Variants in CSGALNACT1 observed in about 807,000 individuals in gnomAD.
CSGALNACT1 encodes the protein chondroitin sulfate N-acetylgalactosaminyltransferase 1, also known as beta4GalNAcT-1.
Under a neutral mutation model 51.0 loss-of-function variants are expected in CSGALNACT1, and 52 were observed. The ratio of observed to expected loss-of-function variants is 1.02; its 90% confidence interval spans 0.82 to 1.29. The LOEUF (loss-of-function observed/expected upper bound fraction) is 1.29, where lower values mean the gene tolerates loss of function less well. CSGALNACT1 is among the 50% of genes most tolerant of loss of function. The pLI, the probability that CSGALNACT1 is intolerant of heterozygous loss-of-function variation, is 0.00. For synonymous variants in CSGALNACT1, 341 were observed against 254.4 expected (o/e 1.34, Z -3.24); for missense variants, 935 against 679.2 (o/e 1.38, Z -4.19).
At chr8:19,654,101 AAC>A (rs1485882654) in intron 1 of CSGALNACT1, among the ~76,000 whole-genome samples, 2 of 152,204 alleles carry the variant, frequency 1.3e-5, no homozygotes, top group Admixed American at 6.5e-5. Flanking sequence ...CATCACTGAA[AAC>A]ACACGAACTG....
chr8:19,721,394 T>C (rs2063121404), intron 1 of CSGALNACT1, among the ~76,000 whole-genome samples: 1 of 152,190 alleles, frequency 6.6e-6, no homozygotes, highest in African/African-American at 2.4e-5. Context: ...AATCTGCAAC[T>C]TCAAAAATAT....
At chr8:19,657,705 G>C (rs1211748337) in intron 1 of CSGALNACT1, among the ~76,000 whole-genome samples, 1 of 152,214 alleles carries the variant, frequency 6.6e-6, no homozygotes, top group East Asian at 1.9e-4. Context: ...TCTGAGGAAA[G>C]AATGTTCTAG....
At chr8:19,750,324 G>A (rs1250997536) in intron 1 of CSGALNACT1, among the ~76,000 whole-genome samples, 4 of 152,164 alleles carry the variant, frequency 2.6e-5, no homozygotes, top group African/African-American at 9.7e-5. Flanking sequence ...AGCCTCTGGT[G>A]GAAGAACCAG....
chr8:19,515,231 C>A (rs1305678307), intron 3 of CSGALNACT1, among the ~76,000 whole-genome samples: 5 of 152,144 alleles, frequency 3.3e-5, no homozygotes, highest in African/African-American at 1.2e-4. Flanking sequence ...AGGTCCTCAG[C>A]ACCTGCTGTC....
chr8:19,405,493 T>C (rs1238922412), exon 10 of CSGALNACT1: 1 of 580,994 alleles, frequency 1.7e-6, no homozygotes, highest in Non-Finnish European at 3.2e-6. Context: ...TCTCAGTGTG[T>C]TGTAAACACC....
At chr8:19,592,255 T>C (rs1179063827) in intron 2 of CSGALNACT1, among the ~76,000 whole-genome samples, 2 of 152,194 alleles carry the variant, frequency 1.3e-5, no homozygotes, top group East Asian at 3.8e-4. Flanking sequence ...TTAGGCAAAT[T>C]CAAATAAATG....
intron 3 of CSGALNACT1, among the ~76,000 whole-genome samples, chr8:19,584,320 A>G (rs1304068976): frequency 2.6e-5 from 4 of 152,220 alleles, no homozygotes; most frequent in African/African-American, 9.6e-5. Flanking sequence ...TTATGCAGCC[A>G]GTTAATATTA....
chr8:19,716,834 T>C (rs1388910423), intron 1 of CSGALNACT1, among the ~76,000 whole-genome samples: 1 of 152,012 alleles, frequency 6.6e-6, no homozygotes, highest in Non-Finnish European at 1.5e-5. Flanking sequence ...TTTCTTATAC[T>C]TCCTTCAACC....
chr8:19,656,777 A>G (rs2058317248), intron 1 of CSGALNACT1, among the ~76,000 whole-genome samples: 2 of 152,196 alleles, frequency 1.3e-5, no homozygotes, highest in East Asian at 3.8e-4. Flanking sequence ...TTAGAAATCA[A>G]ACCATGTAGG....
chr8:19,413,249 C>T (rs1390342249), intron 8 of CSGALNACT1, among the ~76,000 whole-genome samples: 1 of 152,150 alleles, frequency 6.6e-6, no homozygotes, highest in Middle Eastern at 3.2e-3. Flanking sequence ...TAAATGCCCT[C>T]GTTGCCCCCA....
chr8:19,583,747 G>A (rs769803127), intron 3 of CSGALNACT1, among the ~76,000 whole-genome samples: 15 of 152,114 alleles, frequency 9.9e-5, no homozygotes, highest in Non-Finnish European at 1.6e-4. Context: ...TCTTCTCACT[G>A]CTACCTTGCA....
chr8:19,443,783 G>A (rs1001036189), intron 5 of CSGALNACT1, among the ~76,000 whole-genome samples: 1 of 152,040 alleles, frequency 6.6e-6, no homozygotes, highest in Non-Finnish European at 1.5e-5. Flanking sequence ...ACCCCCTGGG[G>A]ATACCAAAAT....
At chr8:19,468,961 G>C (rs2067395753) in intron 4 of CSGALNACT1, among the ~76,000 whole-genome samples, 1 of 152,156 alleles carries the variant, frequency 6.6e-6, no homozygotes, top group Admixed American at 6.5e-5. Flanking sequence ...GGATGTGCAA[G>C]GGTCACTGAG....
chr8:19,678,434 A>G (rs567050205), intron 1 of CSGALNACT1: 1 of 152,310 alleles, frequency 6.6e-6, no homozygotes, highest in South Asian at 2.1e-4. Context: ...CTATTACAGA[A>G]AGGTAGAACT....
intron 1 of CSGALNACT1, among the ~76,000 whole-genome samples, chr8:19,738,509 T>C (rs577108471): frequency 6.6e-6 from 1 of 152,142 alleles, no homozygotes; most frequent in Non-Finnish European, 1.5e-5. Context: ...TAAATAGGTA[T>C]GAGTTTCAGT....
At chr8:19,513,890 A>T (rs2078974152) in intron 3 of CSGALNACT1, among the ~76,000 whole-genome samples, 1 of 152,184 alleles carries the variant, frequency 6.6e-6, no homozygotes, top group Non-Finnish European at 1.5e-5. Context: ...CGGTCCACTG[A>T]CAAAATGTTA....
chr8:19,564,274 G>T (rs1205123212), intron 3 of CSGALNACT1, among the ~76,000 whole-genome samples: 1 of 152,022 alleles, frequency 6.6e-6, no homozygotes, highest in Non-Finnish European at 1.5e-5. Flanking sequence ...TACCCATGCT[G>T]GTTTCCTGTT....
At chr8:19,585,622 G>T (rs916578784) in intron 3 of CSGALNACT1, among the ~76,000 whole-genome samples, 1 of 152,148 alleles carries the variant, frequency 6.6e-6, no homozygotes, top group Admixed American at 6.5e-5. Context: ...ATTGGTAATT[G>T]TAAAAACCCA....
chr8:19,671,574 T>C (rs1286873813), intron 1 of CSGALNACT1, among the ~76,000 whole-genome samples: 1 of 152,182 alleles, frequency 6.6e-6, no homozygotes, highest in Admixed American at 6.5e-5. Context: ...CTGGGACATA[T>C]AGTGAGAAAA....
Sources: gnomAD v4.1 joint callset for allele counts (sites outside exome capture counted in the v4.1 genomes callset) on GRCh38, gnomAD v4.1.1 for gene constraint, MANE v1.5 for transcripts, NCBI Gene and HGNC (gene_info 2026-07-23, HGNC 2026-07-21) for gene names.